Variants in BCHE observed in about 807,000 individuals in gnomAD.
BCHE encodes cholinesterase.
A neutral mutation model predicts 51.3 loss-of-function variants in BCHE; 48 were observed. The observed-to-expected ratio is 0.94, with a 90% CI of 0.74 to 1.19. The LOEUF (loss-of-function observed/expected upper bound fraction) is 1.19. BCHE is among the 50% of genes most tolerant of loss of function. BCHE has a pLI of 0.00. For synonymous variants in BCHE, 251 were observed against 238.0 expected (o/e 1.05, Z -0.50); for missense variants, 847 against 708.2 (o/e 1.20, Z -2.23).
At chr3:165,797,345 A>G in intron 2 of BCHE, among the ~76,000 whole-genome samples, 1 of 21,036 alleles carries the variant, frequency 4.8e-5, no homozygotes, top group Non-Finnish European at 9.0e-5. Context: ...CCCTCCCTCC[A>G]GTCTCTCCTT....
intron 2 of BCHE, among the ~76,000 whole-genome samples, chr3:165,791,446 T>C (rs1713160897): frequency 6.6e-6 from 1 of 152,156 alleles, no homozygotes; most frequent in Non-Finnish European, 1.5e-5. Context: ...TTGCTTGAAC[T>C]AGAGACGTAG....
At chr3:165,782,643 T>C (rs1033377135) in intron 3 of BCHE, among the ~76,000 whole-genome samples, 13 of 152,172 alleles carry the variant, frequency 8.5e-5, no homozygotes, top group African/African-American at 3.1e-4. Context: ...GAAAATATTT[T>C]AGTCCATTCA....
intron 2 of BCHE, among the ~76,000 whole-genome samples, chr3:165,823,882 C>CA (rs1308565435): frequency 6.6e-6 from 1 of 151,774 alleles, no homozygotes; most frequent in Non-Finnish European, 1.5e-5. Flanking sequence ...CTCGGCCTCC[C>CA]ATGTAGCTGA....
At chr3:165,778,393 TA>T (rs1712554543) in intron 3 of BCHE, 1 of 169,642 alleles carries the variant, frequency 5.9e-6, no homozygotes, top group East Asian at 1.4e-4. Context: ...AAGACAAAGG[TA>T]AAAAAGAATA....
At chr3:165,775,668 T>C (rs1331177700) in intron 3 of BCHE, among the ~76,000 whole-genome samples, 2 of 151,834 alleles carry the variant, frequency 1.3e-5, no homozygotes, top group African/African-American at 2.4e-5. Flanking sequence ...TTTACATAAA[T>C]TTACATTTTT....
At chr3:165,776,881 A>G (rs1187193763) in intron 3 of BCHE, among the ~76,000 whole-genome samples, 1 of 151,840 alleles carries the variant, frequency 6.6e-6, no homozygotes, top group Non-Finnish European at 1.5e-5. Flanking sequence ...AAGTGTCTTA[A>G]TTCATAATAT....
chr3:165,815,471 T>C (rs1714278872), intron 2 of BCHE, among the ~76,000 whole-genome samples: 1 of 152,058 alleles, frequency 6.6e-6, no homozygotes, highest in Non-Finnish European at 1.5e-5. Flanking sequence ...TCAACACCTG[T>C]TGAGGATGAT....
chr3:165,778,333 G>A (rs1186165637), intron 3 of BCHE: 2 of 153,942 alleles, frequency 1.3e-5, no homozygotes, highest in Non-Finnish European at 2.9e-5. Flanking sequence ...CCTCAGAAAT[G>A]AAATTATTAT....
At chr3:165,801,569 G>T (rs1407318675) in intron 2 of BCHE, among the ~76,000 whole-genome samples, 1 of 151,996 alleles carries the variant, frequency 6.6e-6, no homozygotes, top group Non-Finnish European at 1.5e-5. Context: ...TAAATAGAAA[G>T]ATTTTGAAAT....
intron 2 of BCHE, among the ~76,000 whole-genome samples, chr3:165,789,178 C>T (rs144372635): frequency 1.7e-3 from 264 of 152,166 alleles, no homozygotes; most frequent in African/African-American, 6.2e-3. Flanking sequence ...GTGTTCTATT[C>T]TTAGTATCAG....
chr3:165,829,393 C>T (rs1714857791), intron 2 of BCHE, 124 bp downstream of exon 2: 1 of 891,820 alleles, frequency 1.1e-6, no homozygotes, highest in East Asian at 2.6e-5. Flanking sequence ...AGCTTTGGTA[C>T]AAATAGAACA....
intron 3 of BCHE, chr3:165,778,408 C>T (rs1712555092): frequency 1.1e-5 from 2 of 175,372 alleles, no homozygotes; most frequent in East Asian, 1.2e-4. Context: ...AAGAATAACT[C>T]GTGAATATAG....
rs201226143 is a variant in BCHE, at chr3:165,830,905, C to G, written c.129G>C (p.Gly43=). The G allele has an allele frequency of 2.9e-5, 46 of 1,613,824 alleles. No individual in the cohort carries two copies. The Admixed American group carries it at 4.8e-4, about 17-fold the overall frequency. ...TGCCACCAAAAACTGTCAAGTTCAT[C>G]CCTCTGACTTTTCCATTCTTTGTTG... ...IIATKNGKVR[G]MNLTVFGGTV... is the part of the protein sequence containing the mutation. Residue 43 remains glycine, a synonymous_variant, in exon 2 of 4, where the codon GGG becomes GGC. Coordinates refer to ENST00000264381, the MANE Select transcript of BCHE (RefSeq NM_000055.4).
At chr3:165,809,653 T>C (rs1432105875) in intron 2 of BCHE, among the ~76,000 whole-genome samples, 1 of 152,170 alleles carries the variant, frequency 6.6e-6, no homozygotes, top group Non-Finnish European at 1.5e-5. Context: ...GGCAAATGTT[T>C]GTGAGGTATA....
At chr3:165,802,862 C>T (rs796477513) in intron 2 of BCHE, among the ~76,000 whole-genome samples, 22 of 152,246 alleles carry the variant, frequency 1.4e-4, no homozygotes, top group African/African-American at 5.1e-4. Context: ...CTGTCTCACC[C>T]TCCTGAGTAG....
chr3:165,821,835 C>A (rs1252724267), intron 2 of BCHE, among the ~76,000 whole-genome samples: 1 of 151,800 alleles, frequency 6.6e-6, no homozygotes, highest in Non-Finnish European at 1.5e-5. Flanking sequence ...TTTGGCTTAG[C>A]ATGTAATTGT....
chr3:165,780,025 T>C (rs776903447), intron 3 of BCHE, among the ~76,000 whole-genome samples: 28 of 152,110 alleles, frequency 1.8e-4, no homozygotes, highest in Non-Finnish European at 3.7e-4. Flanking sequence ...TACAAGGCTA[T>C]AGTAACCAAA....
At chr3:165,782,471 T>C (rs1712744807) in intron 3 of BCHE, among the ~76,000 whole-genome samples, 1 of 142,698 alleles carries the variant, frequency 7.0e-6, no homozygotes, top group African/African-American at 2.6e-5. Context: ...GTGATCTTTG[T>C]TTTGCATGTA....
intron 2 of BCHE, among the ~76,000 whole-genome samples, chr3:165,806,823 G>A (rs945182541): frequency 1.3e-5 from 2 of 151,876 alleles, no homozygotes; most frequent in East Asian, 1.9e-4. Flanking sequence ...GCCATATTTG[G>A]TTCTCTTTAT....
Sources: allele counts gnomAD v4.1 joint callset (sites outside exome capture counted in the v4.1 genomes callset), GRCh38; gene constraint gnomAD v4.1.1; transcripts MANE v1.5; gene names NCBI Gene and HGNC (gene_info 2026-07-23, HGNC 2026-07-21).